SCMH1: variants seen among roughly 807,000 people sequenced by gnomAD.
SCMH1 encodes polycomb protein SCMH1.
A neutral mutation model predicts 70.8 loss-of-function variants in SCMH1; 37 were observed. That is an observed-to-expected ratio of 0.52 (90% CI 0.40 to 0.69). SCMH1 has a LOEUF of 0.69. SCMH1 is among the 30% of genes least tolerant of loss of function. SCMH1 has a pLI of 0.00. For missense variants in SCMH1, 607 were observed against 827.3 expected (o/e 0.73, Z 3.27); for synonymous variants, 292 against 307.4 (o/e 0.95, Z 0.52).
intron 1 of SCMH1, among the ~76,000 whole-genome samples, chr1:41,200,248 C>T (rs530926153): frequency 1.3e-5 from 2 of 151,870 alleles, no homozygotes; most frequent in African/African-American, 4.8e-5. Flanking sequence ...GAGGCTGAGG[C>T]GGGTGGATCA....
At chr1:41,062,666 G>T (rs1038323915) in intron 10 of SCMH1, among the ~76,000 whole-genome samples, 1 of 151,588 alleles carries the variant, frequency 6.6e-6, no homozygotes, top group African/African-American at 2.4e-5. Context: ...TTGAACCCAG[G>T]AGACGGAGGT....
chr1:41,231,992 C>T (rs1407862290), intron 1 of SCMH1, among the ~76,000 whole-genome samples: 1 of 150,228 alleles, frequency 6.7e-6, no homozygotes, highest in Non-Finnish European at 1.5e-5. Flanking sequence ...ACACCGCACA[C>T]CAGCCAGGGT....
chr1:41,214,691 T>C (rs1273716604), intron 1 of SCMH1, among the ~76,000 whole-genome samples: 1 of 152,134 alleles, frequency 6.6e-6, no homozygotes, highest in East Asian at 1.9e-4. Flanking sequence ...AAATAGCTCA[T>C]TTGTTGAAAC....
At chr1:41,240,148 A>G (rs1166108823) in intron 1 of SCMH1, among the ~76,000 whole-genome samples, 16 of 152,266 alleles carry the variant, frequency 1.1e-4, no homozygotes, top group Non-Finnish European at 2.9e-5. Context: ...AAAACTTGAC[A>G]TATGTGCTAC....
chr1:41,151,516 T>G (rs1050922577), intron 5 of SCMH1, 98 bp downstream of exon 5: 4 of 862,094 alleles, frequency 4.6e-6, no homozygotes, highest in Non-Finnish European at 7.1e-6. Context: ...GGCCCTCAGG[T>G]AAGAAGCCCA....
At chr1:41,091,569 C>T (rs1246893609) in intron 8 of SCMH1, among the ~76,000 whole-genome samples, 2 of 152,146 alleles carry the variant, frequency 1.3e-5, no homozygotes, top group Non-Finnish European at 2.9e-5. Context: ...AAAGGGTATT[C>T]AATTAGGAAA....
intron 1 of SCMH1, among the ~76,000 whole-genome samples, chr1:41,231,113 G>C (rs1274546048): frequency 6.6e-6 from 1 of 152,200 alleles, no homozygotes; most frequent in Non-Finnish European, 1.5e-5. Context: ...TATGCTATGA[G>C]ACAGCTGATC....
At chr1:41,038,544 T>G (rs1406432370) in intron 12 of SCMH1, among the ~76,000 whole-genome samples, 1 of 152,212 alleles carries the variant, frequency 6.6e-6, no homozygotes, top group African/African-American at 2.4e-5. Context: ...CAGTAAGGCC[T>G]CAATGTTAAG....
chr1:41,047,981 C>G (rs1647056901), intron 11 of SCMH1, among the ~76,000 whole-genome samples: 1 of 152,210 alleles, frequency 6.6e-6, no homozygotes, highest in African/African-American at 2.4e-5. Flanking sequence ...TTTATGGAGT[C>G]TTCCATGCCA....
chr1:41,201,934 A>C (rs917211753), intron 1 of SCMH1, among the ~76,000 whole-genome samples: 2 of 152,218 alleles, frequency 1.3e-5, no homozygotes, highest in African/African-American at 4.8e-5. Context: ...TAAATAACTC[A>C]GGAAATCTTT....
intron 9 of SCMH1, 117 bp downstream of exon 9, chr1:41,075,102 T>A (rs969358391): frequency 2.2e-6 from 2 of 907,770 alleles, no homozygotes; most frequent in Non-Finnish European, 3.6e-6. Flanking sequence ...GACCTCATGA[T>A]CCGCCCGCCT....
At chr1:41,144,768 G>T (rs929830324) in intron 5 of SCMH1, among the ~76,000 whole-genome samples, 1 of 152,036 alleles carries the variant, frequency 6.6e-6, no homozygotes, top group Non-Finnish European at 1.5e-5. Context: ...ACTTGCCATT[G>T]TTTGTCTTTT....
intron 10 of SCMH1, among the ~76,000 whole-genome samples, chr1:41,066,797 C>T (rs1654757098): frequency 6.6e-6 from 1 of 151,946 alleles, no homozygotes; most frequent in Non-Finnish European, 1.5e-5. Flanking sequence ...ATGATGTTGC[C>T]CAGGCTGGTC....
Position 41,217,508 on chromosome 1 carries a change from G to T in SCMH1, c.-118+24551C>A, listed in dbSNP as rs368421360. Among the ~76,000 whole-genome samples, 21 of 152,326 alleles carry T rather than the reference G, an allele frequency of 1.4e-4. No homozygotes were observed. The East Asian group carries it at 3.9e-3, about 28-fold the overall frequency. On this transcript the variant is annotated intron_variant, in intron 1 of 14. Transcript: ENST00000337495. The stretch of plus-strand genomic sequence containing the variant: ...GGGCCAGGGCAAGGGTATAGCATTT[G>T]CATGTGATTCACAAACCCAGTCAAT...
At chr1:41,028,305 C>G in exon 15 of SCMH1, 2 of 1,587,018 alleles carry the variant, frequency 1.3e-6, no homozygotes, top group Non-Finnish European at 1.7e-6. Flanking sequence ...GCAGCAGGGC[C>G]TTGCCATCGA....
At chr1:41,145,232 T>C (rs949437947) in intron 5 of SCMH1, among the ~76,000 whole-genome samples, 9 of 152,206 alleles carry the variant, frequency 5.9e-5, no homozygotes, top group African/African-American at 2.2e-4. Context: ...CATGATCCAC[T>C]TGAAGTTAAT....
At chr1:41,223,879 C>CT (rs1260701062) in intron 1 of SCMH1, among the ~76,000 whole-genome samples, 1 of 152,142 alleles carries the variant, frequency 6.6e-6, no homozygotes, top group Non-Finnish European at 1.5e-5. Flanking sequence ...AAGGGATAGT[C>CT]TTTGTTTTCT....
At chr1:41,208,433 A>T (rs1573072285) in intron 1 of SCMH1, among the ~76,000 whole-genome samples, 1 of 43,736 alleles carries the variant, frequency 2.3e-5, no homozygotes, top group South Asian at 8.3e-4. Context: ...TAAGAAAAAA[A>T]TTAAAAAAAA....
At chr1:41,229,202 CA>C (rs35731665) in intron 1 of SCMH1, among the ~76,000 whole-genome samples, 136 of 142,916 alleles carry the variant, frequency 9.5e-4, no homozygotes, top group East Asian at 1.4e-3. Flanking sequence ...AACCCCCTAC[CA>C]AAAAAAAAAA....
Sources: allele counts gnomAD v4.1 joint callset (sites outside exome capture counted in the v4.1 genomes callset), GRCh38; gene constraint gnomAD v4.1.1; transcripts MANE v1.5; gene names NCBI Gene and HGNC (gene_info 2026-07-23, HGNC 2026-07-21).